ATG10: variants seen among roughly 807,000 people sequenced by gnomAD.
ATG10 encodes the protein autophagy related 10.
ATG10 carries 30 observed loss-of-function variants against 32.1 expected under a neutral mutation model. That is an observed-to-expected ratio of 0.94 (90% CI 0.70 to 1.27). The LOEUF (loss-of-function observed/expected upper bound fraction) is 1.27. ATG10 is among the 50% of genes most tolerant of loss of function. The pLI, the probability that ATG10 is intolerant of heterozygous loss-of-function variation, is 0.00. For missense variants in ATG10, 233 were observed against 262.3 expected (o/e 0.89, Z 0.77); for synonymous variants, 87 against 91.5 (o/e 0.95, Z 0.28).
At chr5:82,037,449 G>A (rs540376971) in intron 2 of ATG10, among the ~76,000 whole-genome samples, 19 of 149,384 alleles carry the variant, frequency 1.3e-4, no homozygotes, top group South Asian at 1.1e-3. Context: ...GGGTTTCACC[G>A]TTTTAGCCGG....
chr5:82,013,742 T>C (rs1762197270), intron 2 of ATG10, among the ~76,000 whole-genome samples: 1 of 152,206 alleles, frequency 6.6e-6, no homozygotes, highest in African/African-American at 2.4e-5. Context: ...GATTTACATT[T>C]CCCTGATAAC....
rs1000763085 is a variant in ATG10 at position 82,188,236 on chromosome 5, A to G, written c.453+9649A>G. Among the ~76,000 whole-genome samples, 23 of 152,196 alleles carry G rather than the reference A, an allele frequency of 1.5e-4. 1 individual carries two copies. Among genetic ancestry groups the G allele is most frequent in the African/African-American group, 5.5e-4 (23 of 41,458 alleles). On this transcript the variant is annotated intron_variant, in intron 5 of 7. Transcript: ENST00000282185. ...AAGTTGAAGTTTATTTCACTACATA[A>G]TAAAAACAAGAGGCTGGTTAATGTT...
intron 3 of ATG10, among the ~76,000 whole-genome samples, chr5:82,118,476 T>G (rs771208146): frequency 6.7e-6 from 1 of 149,046 alleles, no homozygotes; most frequent in South Asian, 2.1e-4. Context: ...TAGTTGTTGA[T>G]CAACCAACTA....
At chr5:82,190,452 T>C (rs913667608) in intron 5 of ATG10, among the ~76,000 whole-genome samples, 2 of 152,016 alleles carry the variant, frequency 1.3e-5, no homozygotes, top group Non-Finnish European at 2.9e-5. Flanking sequence ...AATATTTAAA[T>C]ACATCTTCAT....
intron 4 of ATG10, among the ~76,000 whole-genome samples, chr5:82,177,371 G>A (rs527981576): frequency 6.6e-6 from 1 of 152,196 alleles, no homozygotes; most frequent in South Asian, 2.1e-4. Context: ...TTAATACAGT[G>A]ATTTTTGGAG....
intron 5 of ATG10, among the ~76,000 whole-genome samples, chr5:82,203,985 G>A (rs1434605955): frequency 6.6e-6 from 1 of 152,110 alleles, no homozygotes; most frequent in Non-Finnish European, 1.5e-5. Flanking sequence ...CTTTTATGGA[G>A]CTTATATTCT....
chr5:82,110,718 T>A (rs1049686242), intron 3 of ATG10, among the ~76,000 whole-genome samples: 6 of 151,854 alleles, frequency 4.0e-5, no homozygotes, highest in African/African-American at 9.7e-5. Context: ...TCAGATGAGT[T>A]GATTGCAAAA....
At chr5:82,174,905 A>G (rs1743950794) in intron 4 of ATG10, among the ~76,000 whole-genome samples, 1 of 152,204 alleles carries the variant, frequency 6.6e-6, no homozygotes, top group South Asian at 2.1e-4. Flanking sequence ...TAGAAGAAGC[A>G]GATATTTTAA....
chr5:82,013,943 C>T (rs1762203684), intron 2 of ATG10, among the ~76,000 whole-genome samples: 2 of 151,918 alleles, frequency 1.3e-5, no homozygotes, highest in Admixed American at 6.6e-5. Flanking sequence ...TTAGATCTAT[C>T]CTGCTTTCTC....
At chr5:82,158,555 A>C (rs1425680963) in intron 3 of ATG10, among the ~76,000 whole-genome samples, 1 of 152,142 alleles carries the variant, frequency 6.6e-6, no homozygotes, top group Non-Finnish European at 1.5e-5. Context: ...GATGATTTAA[A>C]GTATGGGAGG....
intron 4 of ATG10, among the ~76,000 whole-genome samples, chr5:82,169,261 A>G (rs1213431791): frequency 5.9e-5 from 9 of 152,070 alleles, no homozygotes; most frequent in Non-Finnish European, 1.3e-4. Flanking sequence ...AGGATGTCCT[A>G]GAAATTGTGC....
At chr5:82,208,829 T>G (rs183211408) in intron 5 of ATG10, among the ~76,000 whole-genome samples, 38 of 152,354 alleles carry the variant, frequency 2.5e-4, no homozygotes, top group Middle Eastern at 3.4e-3. Context: ...TTAAATCAAC[T>G]TGTATTCTGG....
chr5:82,003,098 CT>C (rs1248592070), intron 2 of ATG10, among the ~76,000 whole-genome samples: 1 of 152,086 alleles, frequency 6.6e-6, no homozygotes, highest in Non-Finnish European at 1.5e-5. Flanking sequence ...ATATCTTATG[CT>C]TTTGTGATTG....
At chr5:82,148,898 T>G (rs1280916642) in intron 3 of ATG10, among the ~76,000 whole-genome samples, 1 of 152,208 alleles carries the variant, frequency 6.6e-6, no homozygotes, top group East Asian at 1.9e-4. Context: ...TTCCCATTGC[T>G]GGCTCCTCTT....
At chr5:82,103,958 A>G (rs1315748984) in intron 3 of ATG10, among the ~76,000 whole-genome samples, 1 of 152,158 alleles carries the variant, frequency 6.6e-6, no homozygotes, top group East Asian at 1.9e-4. Context: ...AATATATCAT[A>G]CATATTCTTT....
chr5:82,058,549 G>T lies in ATG10; in HGVS notation c.163G>T (p.Val55Leu), dbSNP rs1345077592. 1 of 1,613,326 alleles carries T rather than the reference G, an allele frequency of 6.2e-7. No homozygotes were observed. The highest frequency in any genetic ancestry group is 8.5e-7 in the Non-Finnish European group (1 of 1,179,460). Reference sequence around the variant, plus strand: ...ACACTTTCAAATTAAGAATGGGTCTGTGATGTCACATCTAGGAGCATCTAC... The same window carrying T: ...ACACTTTCAAATTAAGAATGGGTCTTTGATGTCACATCTAGGAGCATCTAC... ...KIHFQIKNGS[V>L]MSHLGASTHG... Residue 55 changes from valine to leucine, a missense_variant, in exon 3 of 8, where the codon GTG (valine) becomes TTG (leucine). Transcript: ENST00000282185.
chr5:82,023,948 G>A (rs1011717197), intron 2 of ATG10, among the ~76,000 whole-genome samples: 3 of 152,198 alleles, frequency 2.0e-5, no homozygotes, highest in Non-Finnish European at 4.4e-5. Flanking sequence ...AGATCTTCAT[G>A]TGCACCTCCT....
intron 5 of ATG10, among the ~76,000 whole-genome samples, chr5:82,207,066 A>C (rs1403929034): frequency 6.6e-6 from 1 of 152,168 alleles, no homozygotes; most frequent in Non-Finnish European, 1.5e-5. Context: ...TCTTTCTACT[A>C]TTAATGGCCA....
At chr5:82,180,250 T>TTCA (rs1237011900) in intron 5 of ATG10, among the ~76,000 whole-genome samples, 1 of 152,308 alleles carries the variant, frequency 6.6e-6, no homozygotes, top group African/African-American at 2.4e-5. Context: ...AATATGGTTA[T>TTCA]TCATCTCTCT....
Sources: allele counts gnomAD v4.1 joint callset (sites outside exome capture counted in the v4.1 genomes callset), GRCh38; gene constraint gnomAD v4.1.1; transcripts MANE v1.5; gene names NCBI Gene and HGNC (gene_info 2026-07-23, HGNC 2026-07-21).